The following ZNF674 variants were observed in gnomAD, a reference collection of about 807,000 sequenced individuals.
ZNF674 encodes zinc finger family member 674.
ZNF674 carries 2 observed loss-of-function variants against 7.0 expected under a neutral mutation model. That is an observed-to-expected ratio of 0.29 (90% CI 0.12 to 0.90). ZNF674 has a LOEUF of 0.90. Among genes scored for constraint, ZNF674 ranks in the 40% least tolerant of loss-of-function variants. The probability of loss-of-function intolerance (pLI) is 0.57; values close to 1 mark genes in which losing one functional copy is unlikely to be tolerated. For synonymous variants in ZNF674, 103 were observed against 145.2 expected (o/e 0.71, Z 2.09); for missense variants, 297 against 415.5 (o/e 0.71, Z 2.48).
chrX:46,509,046 C>G (rs1337986060), intron 5 of ZNF674, among the ~76,000 whole-genome samples: 1 of 109,826 alleles, frequency 9.1e-6, no homozygotes, highest in Non-Finnish European at 1.9e-5. Context: ...GAAAGGATTC[C>G]CTATTTAATA....
chrX:46,503,153 A>G (rs1367062461), intron 5 of ZNF674, among the ~76,000 whole-genome samples: 1 of 112,492 alleles, frequency 8.9e-6, no homozygotes, highest in Non-Finnish European at 1.9e-5. Context: ...AAGTAAAAAT[A>G]TCCCCTATAA....
intron 5 of ZNF674, among the ~76,000 whole-genome samples, chrX:46,519,276 T>A (rs868834575): frequency 7.5e-5 from 6 of 80,020 alleles, no homozygotes; most frequent in African/African-American, 1.5e-4. Flanking sequence ...AGATAGATGA[T>A]AGATAGATAG....
At chrX:46,519,247 TAGATAGATAGATAGATA>T (rs1295578858) in intron 5 of ZNF674, among the ~76,000 whole-genome samples, 18 of 73,084 alleles carry the variant, frequency 2.5e-4, no homozygotes, top group African/African-American at 3.2e-4. Context: ...GATAGATAGA[TAGATAGATAGATAGATA>T]AAGATAGATG....
At chrX:46,529,016 C>A in intron 3 of ZNF674, 107 bp from the exon 4 acceptor site, 1 of 1,186,204 alleles carries the variant, frequency 8.4e-7, no homozygotes, top group Non-Finnish European at 1.1e-6. Flanking sequence ...AGGTCCTTTA[C>A]ATGTACTAAA....
intron 5 of ZNF674, among the ~76,000 whole-genome samples, chrX:46,521,102 G>A (rs905882705): frequency 2.8e-5 from 3 of 108,448 alleles, no homozygotes; most frequent in Non-Finnish European, 3.8e-5. Flanking sequence ...CGGAAGAATC[G>A]CTTGAGCCCG....
At chrX:46,533,945 C>G (rs1331732577) in intron 3 of ZNF674, among the ~76,000 whole-genome samples, 1 of 104,313 alleles carries the variant, frequency 9.6e-6, no homozygotes, top group Non-Finnish European at 1.9e-5. Flanking sequence ...TAAAGACATA[C>G]CTGAGACTGG....
chrX:46,532,945 A>C (rs1438063231), intron 3 of ZNF674, among the ~76,000 whole-genome samples: 3 of 112,132 alleles, frequency 2.7e-5, no homozygotes, highest in African/African-American at 9.7e-5. Flanking sequence ...CCTGGGCCGC[A>C]TGTGGCTCAT....
intron 4 of ZNF674, 41 bp from the exon 5 acceptor site, chrX:46,528,486 G>A (rs56160764): frequency 0.32 from 372,881 of 1,179,133 alleles, 41,462 homozygotes; most frequent in Middle Eastern, 0.34. Flanking sequence ...TATTAATGCT[G>A]AGGAATTCCA....
At chrX:46,514,163 G>A (rs141916281) in intron 5 of ZNF674, among the ~76,000 whole-genome samples, 306 of 111,774 alleles carry the variant, frequency 2.7e-3, no homozygotes, top group African/African-American at 9.6e-3. Context: ...GAAAGCTGCG[G>A]CATTTTCTCT....
At chrX:46,529,942 C>G (rs752256795) in intron 3 of ZNF674, among the ~76,000 whole-genome samples, 2 of 111,832 alleles carry the variant, frequency 1.8e-5, no homozygotes, top group Non-Finnish European at 3.8e-5. Context: ...TTCTAACCTT[C>G]ACTCATCAAT....
chrX:46,520,386 G>A (rs945092414), intron 5 of ZNF674, among the ~76,000 whole-genome samples: 1 of 110,885 alleles, frequency 9.0e-6, no homozygotes, highest in East Asian at 2.8e-4. Context: ...GCCACAGAGC[G>A]AGAATCCATC....
chrX:46,516,143 C>T (rs191111176), intron 5 of ZNF674, among the ~76,000 whole-genome samples: 105 of 111,648 alleles, frequency 9.4e-4, no homozygotes, highest in Admixed American at 1.8e-3. Context: ...TGAATGAAAT[C>T]GAGGTTTCCA....
chrX:46,515,307 T>C (rs146077740), intron 5 of ZNF674, among the ~76,000 whole-genome samples: 1 of 106,585 alleles, frequency 9.4e-6, no homozygotes, highest in African/African-American at 3.4e-5. Context: ...AGGCAGAGAT[T>C]GCAGTGAGCT....
intron 3 of ZNF674, among the ~76,000 whole-genome samples, chrX:46,533,532 C>T (rs1476412545): frequency 9.1e-6 from 1 of 109,535 alleles, no homozygotes. Flanking sequence ...GAGTCCGAGG[C>T]GAGTGGATCA....
chrX:46,502,475 T>G (rs1941454246), intron 5 of ZNF674, among the ~76,000 whole-genome samples: 1 of 110,717 alleles, frequency 9.0e-6, no homozygotes, highest in Admixed American at 9.7e-5. Flanking sequence ...AGGTAAGAAC[T>G]AGACTATGAA....
chrX:46,505,540 G>A (rs776117385), intron 5 of ZNF674, among the ~76,000 whole-genome samples: 25 of 111,815 alleles, frequency 2.2e-4, no homozygotes, highest in African/African-American at 7.5e-4. Context: ...GGGGGCCGAG[G>A]CGGATGTATC....
rs1293662073 is a variant in ZNF674, at chrX:46,529,248, T to C, written c.16-339A>G. 15 of 250,402 alleles carry C rather than the reference T, an allele frequency of 6.0e-5. No individual in the cohort carries two copies. In the East Asian group the frequency reaches 1.1e-3, roughly 19 times the overall value. The allele number at this position is 250,402 out of a possible 1,213,427, so 20.6% of individuals were successfully genotyped here. ...TATTACATAGAGTATATGACTAAAATCATTTTGAACTTTATAGGAGAAAGA... is the reference window on the plus strand; with the variant it reads ...TATTACATAGAGTATATGACTAAAACCATTTTGAACTTTATAGGAGAAAGA... On this transcript the variant is annotated intron_variant, in intron 3 of 5. Transcript: ENST00000683375.
rs1942046037 is a variant in ZNF674 at position 46,528,319 on chromosome X, CCCTGGCCTGACTCA to C, written c.238+17_238+30del. 7 of 1,203,960 alleles carry C rather than the reference CCCTGGCCTGACTCA, an allele frequency of 5.8e-6. No homozygotes were observed. Among genetic ancestry groups the C allele is most frequent in the African/African-American group, 5.3e-5 (3 of 56,997 alleles). On this transcript the variant is annotated intron_variant, in intron 5 of 5. Coordinates refer to ENST00000683375, the MANE Select transcript of ZNF674 (RefSeq NM_001190417.2). ...CTCACCAACCAACCTGGTCCCTTTT[CCCTGGCCTGACTCA>C]CCTGGCCTGTCCTCACCTGCACAGG...
chrX:46,528,473 T>C (rs374102198), intron 4 of ZNF674, 28 bp from the exon 5 acceptor site: 34 of 1,185,913 alleles, frequency 2.9e-5, no homozygotes, highest in African/African-American at 1.1e-4. Flanking sequence ...CATAGGACTT[T>C]GTTATTAATG....
Sources: gnomAD v4.1 joint callset for allele counts (sites outside exome capture counted in the v4.1 genomes callset) on GRCh38, gnomAD v4.1.1 for gene constraint, MANE v1.5 for transcripts, NCBI Gene and HGNC (gene_info 2026-07-23, HGNC 2026-07-21) for gene names.